Variants in CACNA1C observed in about 807,000 individuals in gnomAD.
The protein encoded by CACNA1C is voltage-dependent L-type calcium channel subunit alpha-1C.
CACNA1C carries 30 observed loss-of-function variants against 229.0 expected under a neutral mutation model. That is an observed-to-expected ratio of 0.13 (90% CI 0.10 to 0.18). The LOEUF is 0.18. CACNA1C is among the 10% of genes least tolerant of loss of function. The pLI is 1.00. For synonymous variants in CACNA1C, 1,114 were observed against 1,132.5 expected (o/e 0.98, Z 0.33); for missense variants, 1,658 against 2,845.0 (o/e 0.58, Z 9.49).
At chr12:1,977,724 G>GGC (rs1280364700) in intron 1 of CACNA1C, among the ~76,000 whole-genome samples, 1 of 152,106 alleles carries the variant, frequency 6.6e-6, no homozygotes, top group Non-Finnish European at 1.5e-5. Context: ...GTAACATAGT[G>GGC]GCAGAGAAAA....
At chr12:2,212,542 G>A (rs961238803) in intron 3 of CACNA1C, among the ~76,000 whole-genome samples, 5 of 152,212 alleles carry the variant, frequency 3.3e-5, no homozygotes, top group African/African-American at 1.2e-4. Flanking sequence ...TTTGAGAATA[G>A]AGAGTTAGAT....
rs570401842 is a variant in CACNA1C at position 2,272,410 on chromosome 12, C to T, written c.477+151980C>T. 3.9e-5 allele frequency among the ~76,000 whole-genome samples: 6 copies of T among 152,300 alleles called. No homozygotes were observed. The South Asian group carries it at 6.2e-4, about 16-fold the overall frequency. ...TGCCTCCTGCCTCCTCCTGCTTCCC[C>T]GGCTGGTGTCTGCCTCGTATCATCA... On this transcript the variant is annotated intron_variant, in intron 3 of 46. Transcript: ENST00000399655.
intron 3 of CACNA1C, among the ~76,000 whole-genome samples, chr12:2,345,410 G>A (rs769709472): frequency 6.6e-6 from 1 of 152,060 alleles, no homozygotes; most frequent in African/African-American, 2.4e-5. Context: ...TAGGGCAGTG[G>A]CCACTAACCA....
At chr12:2,120,675 TGTGTGTGTGTGTGTGTG>T (rs2086220595) in intron 3 of CACNA1C, among the ~76,000 whole-genome samples, 1 of 151,038 alleles carries the variant, frequency 6.6e-6, no homozygotes, top group African/African-American at 2.4e-5. Flanking sequence ...TGTGTGTGTG[TGTGTGTGTGTGTGTGTG>T]TGTGTTTAGT....
intron 3 of CACNA1C, among the ~76,000 whole-genome samples, chr12:2,228,796 TC>T (rs1231535521): frequency 6.6e-6 from 1 of 152,230 alleles, no homozygotes; most frequent in East Asian, 1.9e-4. Flanking sequence ...TTTTCTGTCT[TC>T]TGCCTTGAAT....
At position 2,403,522 on chromosome 12, in the gene CACNA1C, C is replaced by G. The variant is rs2098702539; in HGVS notation, c.478-45454C>G. On this transcript the variant is annotated intron_variant, in intron 3 of 46. Transcript: ENST00000399655. The surrounding 1 kb of genome is among the most constrained non-coding windows in gnomAD (Gnocchi z 4.1). ...AGCTGCCATCCCAAGGCTGCTTTTC[C>G]TTTCCTTTCTTTTTTTAAAATTCTT... Among the ~76,000 whole-genome samples, 1 of 152,162 alleles carries G rather than the reference C, an allele frequency of 6.6e-6. No homozygotes were observed.
chr12:2,343,313 C>T (rs2096915416), intron 3 of CACNA1C, among the ~76,000 whole-genome samples: 2 of 152,204 alleles, frequency 1.3e-5, no homozygotes, highest in Admixed American at 1.3e-4. Context: ...TTTGTGGCCT[C>T]TCTCTATTTG....
intron 3 of CACNA1C, among the ~76,000 whole-genome samples, chr12:2,380,845 A>G (rs2098223045): frequency 6.6e-6 from 1 of 152,156 alleles, no homozygotes; most frequent in Admixed American, 6.5e-5. Context: ...GTGGGGGGCA[A>G]TGTCCTCATT....
chr12:2,257,310 G>C (rs1601031793), intron 3 of CACNA1C, among the ~76,000 whole-genome samples: 1 of 152,200 alleles, frequency 6.6e-6, no homozygotes, highest in Non-Finnish European at 1.5e-5. Context: ...CCAGGCTGTG[G>C]TGGGACAGTT....
chr12:2,550,342 G>C (rs2099896121), intron 10 of CACNA1C, among the ~76,000 whole-genome samples: 1 of 152,132 alleles, frequency 6.6e-6, no homozygotes, highest in African/African-American at 2.4e-5. Flanking sequence ...GTGTGTGTAG[G>C]GGGCGGCCCC....
Position 2,053,250 on chromosome 12 carries a change from T to A in CACNA1C, c.-313T>A, listed in dbSNP as rs1164672724. ...CTCTTCTCGCCCTGCCTCTCCCGAT[T>A]TATTTTTTCAAATGGTGTAGCCGCC... On this transcript the variant is annotated 5_prime_UTR_variant, in exon 1 of 47. Coordinates refer to ENST00000399655, the MANE Select transcript of CACNA1C (RefSeq NM_000719.7). This position sits in a 1 kb window ranked among gnomAD's most constrained non-coding sequence, Gnocchi z 5.8. 1.9e-6 allele frequency: 2 copies of A among 1,060,754 alleles called. No homozygotes were observed. Among genetic ancestry groups the A allele is most frequent in the East Asian group, 1.4e-4 (2 of 14,164 alleles). 65.7% of individuals were successfully genotyped at this position (1,060,754 alleles called of 1,614,324 possible).
rs1390592832 is a variant in CACNA1C at position 2,415,155 on chromosome 12, C to T, written c.478-33821C>T. 3.3e-5 allele frequency among the ~76,000 whole-genome samples: 5 copies of T among 152,348 alleles called. 1 individual carries two copies. The East Asian group carries it at 5.8e-4, about 18-fold the overall frequency. ...GGGCTCACGCAGAGGATCCACTTTT[C>T]TGTCTTGCTCTTGTATGTTTTCTCT... On this transcript the variant is annotated intron_variant, in intron 3 of 46. Coordinates refer to ENST00000399655, the MANE Select transcript of CACNA1C (RefSeq NM_000719.7).
chr12:2,217,112 G>A (rs2060175403), intron 3 of CACNA1C, among the ~76,000 whole-genome samples: 1 of 152,206 alleles, frequency 6.6e-6, no homozygotes, highest in African/African-American at 2.4e-5. Context: ...CTACAACATG[G>A]ATGAACCTTG....
At chr12:2,156,642 C>T (rs567592000) in intron 3 of CACNA1C, among the ~76,000 whole-genome samples, 2 of 152,258 alleles carry the variant, frequency 1.3e-5, no homozygotes, top group African/African-American at 4.8e-5. Flanking sequence ...GTTTGACCAA[C>T]CTCAGTTAAG....
At chr12:2,384,293 C>T (rs1411662759) in intron 3 of CACNA1C, among the ~76,000 whole-genome samples, 1 of 152,224 alleles carries the variant, frequency 6.6e-6, no homozygotes, top group Admixed American at 6.5e-5. Flanking sequence ...TACTGTCTTT[C>T]CTCCAGGTTA....
intron 3 of CACNA1C, among the ~76,000 whole-genome samples, chr12:2,355,353 G>C (rs892671735): frequency 6.6e-6 from 1 of 150,932 alleles, no homozygotes; most frequent in African/African-American, 2.5e-5. Flanking sequence ...CCCCATCCAG[G>C]ACCTCCCACC....
intron 1 of CACNA1C, among the ~76,000 whole-genome samples, chr12:2,101,296 A>G (rs1362417493): frequency 1.3e-5 from 2 of 152,150 alleles, no homozygotes; most frequent in Non-Finnish European, 2.9e-5. Context: ...TAGTTCTCTC[A>G]GGGTAGCTCC....
rs540554198 is a variant in CACNA1C, at chr12:2,303,444, C to G, written c.478-145532C>G. ...ATGTTGGATAGGATCCGCCCTCATG[C>G]CCTCATTTTAACTTAACCTCTTTTA... On this transcript the variant is annotated intron_variant, in intron 3 of 46. Transcript: ENST00000399655. 8.5e-4 allele frequency among the ~76,000 whole-genome samples: 130 copies of G among 152,118 alleles called. 1 individual carries two copies. Among genetic ancestry groups the G allele is most frequent in the Middle Eastern group, 3.4e-3 (1 of 292 alleles).
chr12:2,260,277 A>G (rs2154401181), intron 3 of CACNA1C, among the ~76,000 whole-genome samples: 1 of 151,988 alleles, frequency 6.6e-6, no homozygotes, highest in Non-Finnish European at 1.5e-5. Flanking sequence ...TAGGAATTAG[A>G]TCAGCCTGGG....
Sources: gnomAD v4.1 joint callset for allele counts (sites outside exome capture counted in the v4.1 genomes callset) on GRCh38, gnomAD v4.1.1 for gene constraint, Gnocchi (gnomAD v3.1) non-coding constraint, MANE v1.5 for transcripts, NCBI Gene and HGNC (gene_info 2026-07-23, HGNC 2026-07-21) for gene names.